SAMD5: variants seen among roughly 807,000 people sequenced by gnomAD.
SAMD5 encodes sterile alpha motif domain-containing protein 5.
Under a neutral mutation model 11.3 loss-of-function variants are expected in SAMD5, and 13 were observed. The ratio of observed to expected loss-of-function variants is 1.15; its 90% CI spans 0.75 to 1.83. The LOEUF (loss-of-function observed/expected upper bound fraction) is 1.83. Among genes scored for constraint, SAMD5 ranks in the 40% most tolerant of loss-of-function variants. SAMD5 has a pLI of 0.00. For synonymous variants in SAMD5, 129 were observed against 111.3 expected (o/e 1.16, Z -1.00); for missense variants, 255 against 239.1 (o/e 1.07, Z -0.44).
chr6:147,815,177 G>T, the SAMD5 span, among the ~76,000 whole-genome samples: 1 of 152,190 alleles, frequency 6.6e-6, no homozygotes, highest in South Asian at 2.1e-4. Context: ...CATTCTTGGA[G>T]CTCAGTGACT....
intron 1 of SAMD5, among the ~76,000 whole-genome samples, chr6:147,538,932 A>G (rs1337432670): frequency 6.6e-5 from 10 of 152,180 alleles, no homozygotes; most frequent in South Asian, 2.1e-4. Flanking sequence ...GCTTTTTTAT[A>G]TATAAACATC....
the SAMD5 span, among the ~76,000 whole-genome samples, chr6:147,870,334 T>A: frequency 6.6e-6 from 1 of 152,036 alleles, no homozygotes; most frequent in Non-Finnish European, 1.5e-5. Context: ...CTCAGAGGCC[T>A]TCCCTTATTT....
chr6:147,851,519 A>G, the SAMD5 span, among the ~76,000 whole-genome samples: 46 of 152,268 alleles, frequency 3.0e-4, no homozygotes, highest in South Asian at 8.9e-3. Context: ...GCAAAACTTC[A>G]AGGTGAAGGC....
intron 1 of SAMD5, among the ~76,000 whole-genome samples, chr6:147,551,794 G>A (rs1021827161): frequency 1.5e-5 from 2 of 131,482 alleles, no homozygotes; most frequent in African/African-American, 6.0e-5. Flanking sequence ...ATTCTTAAAT[G>A]TGATTCTTAT....
At chr6:147,637,984 G>A (rs1409194236) in intron 1 of SAMD5, among the ~76,000 whole-genome samples, 1 of 151,378 alleles carries the variant, frequency 6.6e-6, no homozygotes, top group Non-Finnish European at 1.5e-5. Flanking sequence ...ATGAAAATTA[G>A]AGTGTGTTAG....
chr6:147,591,161 A>T (rs200668995), intron 1 of SAMD5, among the ~76,000 whole-genome samples: 1 of 145,212 alleles, frequency 6.9e-6, no homozygotes, highest in Non-Finnish European at 1.5e-5. Flanking sequence ...AAAAAAAAAA[A>T]CCCAAGATGG....
chr6:147,786,735 G>T, the SAMD5 span, among the ~76,000 whole-genome samples: 1 of 152,168 alleles, frequency 6.6e-6, no homozygotes, highest in African/African-American at 2.4e-5. Flanking sequence ...CCATATTGCT[G>T]CCAGGTTTTC....
the SAMD5 span, among the ~76,000 whole-genome samples, chr6:147,941,593 A>C: frequency 6.6e-6 from 1 of 152,198 alleles, no homozygotes. Flanking sequence ...ATGCAAAATT[A>C]ACATTTATAA....
At chr6:147,724,147 A>C (rs1791593570) in intron 1 of SAMD5, among the ~76,000 whole-genome samples, 1 of 152,176 alleles carries the variant, frequency 6.6e-6, no homozygotes. Context: ...ATATTTTTTG[A>C]AACAGAGTCT....
At chr6:147,843,440 T>C in the SAMD5 span, among the ~76,000 whole-genome samples, 1 of 152,194 alleles carries the variant, frequency 6.6e-6, no homozygotes, top group East Asian at 1.9e-4. Flanking sequence ...GCAAATTCAG[T>C]GCAATTCCTA....
intron 1 of SAMD5, among the ~76,000 whole-genome samples, chr6:147,624,555 G>T (rs1195503223): frequency 6.6e-6 from 1 of 152,206 alleles, no homozygotes; most frequent in Non-Finnish European, 1.5e-5. Flanking sequence ...TGCTGAGAAT[G>T]CCATTAATCC....
the SAMD5 span, among the ~76,000 whole-genome samples, chr6:147,939,427 G>A: frequency 2.9e-3 from 434 of 152,248 alleles, 4 homozygotes; most frequent in African/African-American, 0.01. Context: ...TGGTCTTTCT[G>A]GCAGCCAGCA....
Position 147,566,939 on chromosome 6 carries a change from C to A in SAMD5, c.*2483C>A. 1 of 865,746 alleles carries A rather than the reference C, an allele frequency of 1.2e-6. No homozygotes were observed. Among genetic ancestry groups the A allele is most frequent in the Non-Finnish European group, 1.4e-6 (1 of 721,530 alleles). The allele number at this position is 865,746 out of a possible 1,614,324, so 53.6% of individuals were successfully genotyped here. On this transcript the variant is annotated 3_prime_UTR_variant, in exon 2 of 2. Coordinates refer to ENST00000367474, the MANE Select transcript of SAMD5 (RefSeq NM_001030060.3). ...GCGTTTTTCCTCTGTATCTAAACACCAATAATATACTTAATTTTTGAATAT... is the reference window on the plus strand; with the variant it reads ...GCGTTTTTCCTCTGTATCTAAACACAAATAATATACTTAATTTTTGAATAT...
At chr6:147,680,838 G>C (rs1240380119) in intron 1 of SAMD5, among the ~76,000 whole-genome samples, 2 of 152,030 alleles carry the variant, frequency 1.3e-5, no homozygotes, top group African/African-American at 4.8e-5. Flanking sequence ...GCATTCCTGG[G>C]TAAACCCCAC....
At chr6:147,653,054 A>G (rs1790513997) in intron 1 of SAMD5, among the ~76,000 whole-genome samples, 1 of 152,110 alleles carries the variant, frequency 6.6e-6, no homozygotes, top group African/African-American at 2.4e-5. Flanking sequence ...TGAAAGTATA[A>G]ATATACTTTC....
At chr6:147,849,346 CAT>C in the SAMD5 span, among the ~76,000 whole-genome samples, 1 of 151,910 alleles carries the variant, frequency 6.6e-6, no homozygotes, top group African/African-American at 2.4e-5. Context: ...ATTTTGAAGA[CAT>C]TGCTTTAAAA....
At chr6:147,786,336 T>C in the SAMD5 span, among the ~76,000 whole-genome samples, 4 of 152,236 alleles carry the variant, frequency 2.6e-5, no homozygotes, top group Admixed American at 2.0e-4. Flanking sequence ...ACTATTTTTT[T>C]CCATTGGAAG....
chr6:147,514,697 G>C (rs768226989), intron 1 of SAMD5, among the ~76,000 whole-genome samples: 2 of 151,996 alleles, frequency 1.3e-5, no homozygotes, highest in Non-Finnish European at 2.9e-5. Context: ...TAGTGTGGGG[G>C]AGGCATCTAG....
chr6:147,889,106 A>G, the SAMD5 span, among the ~76,000 whole-genome samples: 1 of 152,044 alleles, frequency 6.6e-6, no homozygotes, highest in African/African-American at 2.4e-5. Flanking sequence ...GTATATTCCA[A>G]TTACGTGTGT....
Sources: allele counts gnomAD v4.1 joint callset (sites outside exome capture counted in the v4.1 genomes callset), GRCh38; gene constraint gnomAD v4.1.1; transcripts MANE v1.5; gene names NCBI Gene and HGNC (gene_info 2026-07-23, HGNC 2026-07-21).